PCDH15: variants seen among roughly 807,000 people sequenced by gnomAD.
PCDH15 encodes protocadherin related 15, also known as protocadherin-15.
In PCDH15, 129 loss-of-function variants were observed where a neutral mutation model predicts 178.5. The ratio of observed to expected loss-of-function variants is 0.72; its 90% CI spans 0.63 to 0.84. The LOEUF (loss-of-function observed/expected upper bound fraction) is 0.84. Ranked by LOEUF, PCDH15 falls within the 40% of genes least tolerant of loss-of-function variation. PCDH15 has a pLI of 0.00. For missense variants in PCDH15, 2,230 were observed against 2,099.9 expected (o/e 1.06, Z -1.21); for synonymous variants, 800 against 732.0 (o/e 1.09, Z -1.50).
At chr10:54,985,699 G>C (rs1412154861) in intron 2 of PCDH15, among the ~76,000 whole-genome samples, 1 of 152,154 alleles carries the variant, frequency 6.6e-6, no homozygotes, top group South Asian at 2.1e-4. Context: ...CCTGGGAATA[G>C]AGAAAATTCA....
chr10:55,467,504 T>C (rs939823555), intron 2 of PCDH15, among the ~76,000 whole-genome samples: 2 of 152,190 alleles, frequency 1.3e-5, no homozygotes, highest in South Asian at 2.1e-4. Context: ...GGTTTAATTA[T>C]ATATTTTAAT....
chr10:54,092,393 C>T (rs1475857795), intron 15 of PCDH15, among the ~76,000 whole-genome samples: 1 of 152,086 alleles, frequency 6.6e-6, no homozygotes, highest in African/African-American at 2.4e-5. Context: ...TTTTTCCAGG[C>T]CAATTCTTTT....
At chr10:55,101,684 A>T (rs1402225231) in intron 2 of PCDH15, among the ~76,000 whole-genome samples, 1 of 151,694 alleles carries the variant, frequency 6.6e-6, no homozygotes, top group Admixed American at 6.6e-5. Flanking sequence ...CAGAGTTTAG[A>T]TCATTTAAAA....
At chr10:54,283,680 C>A (rs1386138172) in intron 8 of PCDH15, among the ~76,000 whole-genome samples, 1 of 151,932 alleles carries the variant, frequency 6.6e-6, no homozygotes, top group Non-Finnish European at 1.5e-5. Flanking sequence ...ACTCTATATA[C>A]TAAAGTGTAA....
chr10:53,935,664 T>G (rs949142931), intron 25 of PCDH15, among the ~76,000 whole-genome samples: 3 of 152,204 alleles, frequency 2.0e-5, no homozygotes, highest in Non-Finnish European at 4.4e-5. Flanking sequence ...CCCAGAAAAC[T>G]AAACATATTT....
At chr10:55,317,647 T>C (rs546847901) in intron 1 of PCDH15, among the ~76,000 whole-genome samples, 4 of 151,972 alleles carry the variant, frequency 2.6e-5, no homozygotes, top group East Asian at 1.9e-4. Context: ...TCTCTCATAC[T>C]ATAGTCACCC....
chr10:55,372,351 T>C lies in PCDH15; in HGVS notation c.-155-205700A>G, dbSNP rs140066758. On this transcript the variant is annotated intron_variant, in intron 2 of 5. Coordinates refer to the PCDH15 transcript ENST00000613346. ...CCATGCTAAGAACTTAGTTTTTGCA[T>C]AGGAGAAATATGGGGTAAAATCTTT... Among the ~76,000 whole-genome samples the C allele has an allele frequency of 4.4e-4, 67 of 152,226 alleles. No homozygotes were observed. In the East Asian group the frequency reaches 0.011, roughly 26 times the overall value.
chr10:54,966,824 CTG>C (rs1378836306), intron 2 of PCDH15, among the ~76,000 whole-genome samples: 2 of 152,096 alleles, frequency 1.3e-5, no homozygotes, highest in Non-Finnish European at 2.9e-5. Flanking sequence ...CCACGTGGAA[CTG>C]TGAGTCCATG....
At chr10:54,575,974 T>G (rs4606390) in intron 2 of PCDH15, among the ~76,000 whole-genome samples, 144,796 of 152,286 alleles carry the variant, frequency 0.95, 68,970 homozygotes, top group Middle Eastern at 0.98. Context: ...TCAGGAACTA[T>G]ATAGTCAATT....
At chr10:54,353,652 T>C (rs1011099098) in intron 5 of PCDH15, among the ~76,000 whole-genome samples, 1 of 120,480 alleles carries the variant, frequency 8.3e-6, no homozygotes, top group Non-Finnish European at 1.6e-5. Context: ...CAACTTAATG[T>C]TTTTTTTGTT....
intron 37 of PCDH15, among the ~76,000 whole-genome samples, chr10:53,810,224 G>A (rs1300527531): frequency 6.6e-6 from 1 of 152,112 alleles, no homozygotes; most frequent in Admixed American, 6.6e-5. Context: ...TAATGTGGGA[G>A]CAAAAGTAAC....
chr10:55,616,217 A>T (rs943887031), intron 2 of PCDH15, among the ~76,000 whole-genome samples: 1 of 152,186 alleles, frequency 6.6e-6, no homozygotes, highest in African/African-American at 2.4e-5. Flanking sequence ...TCACTTTTAA[A>T]TAATTGTAAA....
At chr10:54,738,766 C>A (rs909466146) in intron 1 of PCDH15, among the ~76,000 whole-genome samples, 2 of 151,972 alleles carry the variant, frequency 1.3e-5, no homozygotes, top group Non-Finnish European at 2.9e-5. Flanking sequence ...AATCAATAAA[C>A]ATGATACATC....
At chr10:55,547,910 TGAGA>T (rs763752387) in intron 2 of PCDH15, among the ~76,000 whole-genome samples, 3,263 of 54,530 alleles carry the variant, frequency 0.06, 118 homozygotes, top group African/African-American at 0.14. Flanking sequence ...TGTGTGTGTG[TGAGA>T]GAGAGAGAGA....
chr10:55,035,422 G>C (rs1472881822), intron 2 of PCDH15, among the ~76,000 whole-genome samples: 3 of 151,696 alleles, frequency 2.0e-5, no homozygotes, highest in Non-Finnish European at 4.4e-5. Context: ...TTTCTTACTT[G>C]TGAATTTTTA....
chr10:53,934,053 A>G (rs974695026), intron 25 of PCDH15, among the ~76,000 whole-genome samples: 11 of 152,170 alleles, frequency 7.2e-5, no homozygotes, highest in African/African-American at 2.4e-4. Flanking sequence ...GTTTGAGTTC[A>G]TTGTAGATTC....
At chr10:54,406,121 T>A (rs1254233321) in intron 3 of PCDH15, among the ~76,000 whole-genome samples, 1 of 152,152 alleles carries the variant, frequency 6.6e-6, no homozygotes, top group East Asian at 1.9e-4. Flanking sequence ...GTGTATTGTG[T>A]GTGGGCTTAT....
chr10:54,474,361 A>G (rs1050991928), intron 3 of PCDH15, among the ~76,000 whole-genome samples: 1 of 152,010 alleles, frequency 6.6e-6, no homozygotes, highest in Non-Finnish European at 1.5e-5. Flanking sequence ...TCAGTTATCC[A>G]GGTAGGAATT....
intron 2 of PCDH15, among the ~76,000 whole-genome samples, chr10:54,547,107 CATTTTTCTGCTCA>C (rs66744979): frequency 0.096 from 14,650 of 152,114 alleles, 852 homozygotes; most frequent in Non-Finnish European, 0.12. Context: ...AGCACTCTCC[CATTTTTCTGCTCA>C]ATTTTTCTTC....
Sources: allele counts gnomAD v4.1 joint callset (sites outside exome capture counted in the v4.1 genomes callset), GRCh38; gene constraint gnomAD v4.1.1; transcripts MANE v1.5; gene names NCBI Gene and HGNC (gene_info 2026-07-23, HGNC 2026-07-21).